The following TENT4B variants were observed in gnomAD, a reference collection of about 807,000 sequenced individuals.
TENT4B encodes the protein PAP associated domain containing 5.
TENT4B carries 10 observed loss-of-function variants against 75.0 expected under a neutral mutation model. That is an observed-to-expected ratio of 0.13 (90% CI 0.08 to 0.23). TENT4B has a LOEUF of 0.23. Ranked by LOEUF, TENT4B falls within the 10% of genes least tolerant of loss-of-function variation. The pLI, the probability that TENT4B is intolerant of heterozygous loss-of-function variation, is 1.00. For missense variants in TENT4B, 579 were observed against 893.8 expected, an observed-to-expected ratio of 0.65 and a Z score of 4.49; for synonymous variants, 350 against 357.7, an observed-to-expected ratio of 0.98 and a Z score of 0.24.
chr16:50,189,834 G>T lies in TENT4B; in HGVS notation c.639-21489G>T, dbSNP rs948451449. Among the ~76,000 whole-genome samples, 17 of 151,874 alleles carry T rather than the reference G, an allele frequency of 1.1e-4. No individual in the cohort carries two copies. In the East Asian group the frequency reaches 2.1e-3, roughly 19 times the overall value. On this transcript the variant is annotated intron_variant, in intron 1 of 11. Coordinates refer to ENST00000561678, the MANE Select transcript of TENT4B (RefSeq NM_001365324.3). ...GGCCGAGGCAGGCAGATCACTTGAG[G>T]TCAGGAGTGAGGCAGGCAGATCACT...
intron 11 of TENT4B, 103 bp from the exon 12 acceptor site, chr16:50,229,049 C>T: frequency 1.3e-6 from 2 of 1,530,992 alleles, no homozygotes; most frequent in South Asian, 1.3e-5. Context: ...ACAATCTAGC[C>T]AGCATATTCC....
At chr16:50,171,448 AT>A (rs1304692433) in intron 1 of TENT4B, among the ~76,000 whole-genome samples, 1 of 152,084 alleles carries the variant, frequency 6.6e-6, no homozygotes, top group Non-Finnish European at 1.5e-5. Context: ...GCTGGGAAAC[AT>A]GGTGGTTCTT....
At chr16:50,188,682 A>G (rs555609093) in intron 1 of TENT4B, among the ~76,000 whole-genome samples, 61 of 152,078 alleles carry the variant, frequency 4.0e-4, no homozygotes, top group African/African-American at 1.3e-3. Flanking sequence ...TGTACATTTA[A>G]TTTTTTCATC....
chr16:50,188,055 C>T (rs2038568218), intron 1 of TENT4B, among the ~76,000 whole-genome samples: 1 of 152,166 alleles, frequency 6.6e-6, no homozygotes, highest in African/African-American at 2.4e-5. Flanking sequence ...GTGTGAACCA[C>T]TACACCTGGC....
chr16:50,206,354 ATTTT>A (rs35118426), intron 1 of TENT4B, among the ~76,000 whole-genome samples: 14 of 96,542 alleles, frequency 1.5e-4, no homozygotes, highest in Admixed American at 3.5e-4. Flanking sequence ...ATATGTATGT[ATTTT>A]TTTTTTTTTT....
chr16:50,155,773 A>G (rs2037886591), intron 1 of TENT4B, among the ~76,000 whole-genome samples: 1 of 152,132 alleles, frequency 6.6e-6, no homozygotes, highest in Non-Finnish European at 1.5e-5. Flanking sequence ...TCTACGCGTA[A>G]ACCTGTGGTT....
Position 50,158,602 on chromosome 16 carries a change from T to A in TENT4B, c.638+4343T>A, listed in dbSNP as rs186863986. ...ACAGGGAATTTGCAGAACTTGGTCT[T>A]GAGCCCTGGGTCCAGAAACTTCTTC... is the stretch of plus-strand genomic sequence containing the variant. On this transcript the variant is annotated intron_variant, in intron 1 of 11. Transcript: ENST00000561678. Among the ~76,000 whole-genome samples, 74 of 152,322 alleles carry A rather than the reference T, an allele frequency of 4.9e-4. 2 individuals are homozygous for A. In the East Asian group the frequency reaches 0.014, roughly 29 times the overall value.
At chr16:50,158,367 ATGAGCCACCATGCCTGGCCTGGCCTTT>A (rs2150665195) in intron 1 of TENT4B, among the ~76,000 whole-genome samples, 1 of 147,716 alleles carries the variant, frequency 6.8e-6, no homozygotes, top group East Asian at 2.1e-4. Context: ...GATTACAGGC[ATGAGCCACCATGCCTGGCCTGGCCTTT>A]TATGTTTTAA....
At position 50,217,770 on chromosome 16, in the gene TENT4B, C is replaced by CTCTCTCTCTCTA. The variant is rs1420929033; in HGVS notation, c.1038+112_1038+113insCTCTCTATCTCT. On this transcript the variant is annotated intron_variant, in intron 5 of 11. Coordinates refer to ENST00000561678, the MANE Select transcript of TENT4B (RefSeq NM_001365324.3). Reference sequence around the variant, plus strand: ...TATATGCATGTTGCTGTCTCTCTCTCTCTCTTTTAAATAGAGCTAGGGTCT... The same window carrying CTCTCTCTCTCTA: ...TATATGCATGTTGCTGTCTCTCTCTCTCTCTCTCTCTATCTCTTTTAAATAGAGCTAGGGTCT... 7 of 626,050 alleles carry CTCTCTCTCTCTA rather than the reference C, an allele frequency of 1.1e-5. No homozygotes were observed. In the East Asian group the frequency reaches 1.8e-4, roughly 16 times the overall value. 38.8% of individuals were successfully genotyped at this position (626,050 alleles called of 1,614,324 possible).
chr16:50,200,579 T>G (rs947446034), intron 1 of TENT4B, among the ~76,000 whole-genome samples: 2 of 152,106 alleles, frequency 1.3e-5, no homozygotes, highest in African/African-American at 4.8e-5. Context: ...GAATATTCTA[T>G]TAGGTATATA....
chr16:50,223,196 G>C lies in TENT4B; in HGVS notation c.1190G>C (p.Cys397Ser), dbSNP rs552571845. The stretch of plus-strand genomic sequence containing the variant: ...TAGTTACATCCCAGGGAAGATGCTT[G>C]CATCCCCAATACAAACTATGGTGTT... ...FLQLHPREDA[C>S]IPNTNYGVLL... is the part of the protein sequence containing the mutation. The change falls in exon 7 of 12, where the codon TGC becomes TCC. Residue 397 changes from cysteine to serine, a missense_variant. Physicochemically the swap from Cys to Ser is moderately radical, Grantham distance 112 (BLOSUM62 -1). This residue lies in a region of TENT4B where 71 missense variants were observed against 210.6 expected (regional missense o/e 0.34). Coordinates refer to ENST00000561678, the MANE Select transcript of TENT4B (RefSeq NM_001365324.3). 30 of 1,609,718 alleles carry C rather than the reference G, an allele frequency of 1.9e-5. 1 individual carries two copies. The East Asian group carries it at 5.8e-4, about 31-fold the overall frequency.
chr16:50,232,225 T>C lies in TENT4B; in HGVS notation c.*2897T>C, dbSNP rs977201149. The C allele has an allele frequency of 2.1e-5, 21 of 985,308 alleles. No homozygotes were observed. The African/African-American group carries it at 3.5e-4, about 16-fold the overall frequency. The allele number at this position is 985,308 out of a possible 1,614,324, so 61.0% of individuals were successfully genotyped here. ...GACTGTGAAGGTGCCTGGTTTTGAA[T>C]GTCTTTGTTTGGTTTGGAGATGTCG... On this transcript the variant is annotated 3_prime_UTR_variant, in exon 12 of 12. Coordinates refer to ENST00000561678, the MANE Select transcript of TENT4B (RefSeq NM_001365324.3).
intron 1 of TENT4B, among the ~76,000 whole-genome samples, chr16:50,164,835 T>A (rs994327417): frequency 7.9e-5 from 12 of 151,980 alleles, no homozygotes; most frequent in Middle Eastern, 3.4e-3. Context: ...GTGGATCGCT[T>A]GAGTCCAGGA....
chr16:50,167,324 T>A (rs1364027772), intron 1 of TENT4B, among the ~76,000 whole-genome samples: 2 of 152,088 alleles, frequency 1.3e-5, no homozygotes, highest in Non-Finnish European at 2.9e-5. Context: ...TGGATGAGCT[T>A]GTTCTAAATG....
chr16:50,159,674 T>G (rs910288760), intron 1 of TENT4B, among the ~76,000 whole-genome samples: 2 of 152,220 alleles, frequency 1.3e-5, no homozygotes, highest in Non-Finnish European at 2.9e-5. Flanking sequence ...TGTGCTCTAT[T>G]TAATTTCTGT....
intron 1 of TENT4B, among the ~76,000 whole-genome samples, chr16:50,181,242 G>A (rs907681475): frequency 2.0e-5 from 3 of 152,034 alleles, no homozygotes; most frequent in African/African-American, 7.2e-5. Context: ...AAGGAGGTGT[G>A]TTTGTGGATT....
intron 1 of TENT4B, among the ~76,000 whole-genome samples, chr16:50,175,797 T>C (rs915293878): frequency 1.3e-5 from 2 of 152,012 alleles, no homozygotes; most frequent in Non-Finnish European, 2.9e-5. Flanking sequence ...TATTTATTTA[T>C]TTGAAACAGG....
At chr16:50,164,440 C>G (rs1167164653) in intron 1 of TENT4B, among the ~76,000 whole-genome samples, 1 of 151,958 alleles carries the variant, frequency 6.6e-6, no homozygotes, top group Non-Finnish European at 1.5e-5. Context: ...TCCCGAGTAG[C>G]TGGGATTACA....
chr16:50,224,237 G>A (rs575836511), intron 7 of TENT4B, among the ~76,000 whole-genome samples: 6 of 152,282 alleles, frequency 3.9e-5, no homozygotes, highest in South Asian at 2.1e-4. Context: ...CAAAGGACAC[G>A]AAGACTTTTC....
Sources: allele counts gnomAD v4.1 joint callset (sites outside exome capture counted in the v4.1 genomes callset), GRCh38; gene constraint gnomAD v4.1.1; regional missense constraint gnomAD v4.1.1; transcripts MANE v1.5; gene names NCBI Gene and HGNC (gene_info 2026-07-23, HGNC 2026-07-21).